AFF3: variants seen among roughly 807,000 people sequenced by gnomAD.
AFF3 encodes the protein AF4/FMR2 family member 3.
Under a neutral mutation model 129.7 loss-of-function variants are expected in AFF3, and 32 were observed. The observed-to-expected ratio is 0.25, with a 90% CI of 0.19 to 0.33. AFF3 has a LOEUF of 0.33. AFF3 is among the 10% of genes least tolerant of loss of function. AFF3 has a pLI of 1.00. For synonymous variants in AFF3, 644 were observed against 635.4 expected, an observed-to-expected ratio of 1.01 and a Z score of -0.20; for missense variants, 1,373 against 1,592.0, an observed-to-expected ratio of 0.86 and a Z score of 2.34.
chr2:99,834,583 T>C (rs1688729863), intron 8 of AFF3, among the ~76,000 whole-genome samples: 1 of 152,156 alleles, frequency 6.6e-6, no homozygotes, highest in Admixed American at 6.5e-5. Flanking sequence ...CCCCCTCTAC[T>C]CCACCAAAAG....
chr2:100,100,988 A>C lies in AFF3; in HGVS notation c.53+3414T>G, dbSNP rs2576634. Among the ~76,000 whole-genome samples, 19 of 152,326 alleles carry C rather than the reference A, an allele frequency of 1.2e-4. No homozygotes were observed. The East Asian group carries it at 3.3e-3, about 26-fold the overall frequency. On this transcript the variant is annotated intron_variant, in intron 4 of 24. Transcript: ENST00000672756. ...GTGTTGGGTGCTGAATGAACACCTT[A>C]ACCTTTTTCCAAGTTCTCCAGTCTT...
At chr2:99,669,475 C>T (rs549893878) in intron 12 of AFF3, among the ~76,000 whole-genome samples, 27 of 152,122 alleles carry the variant, frequency 1.8e-4, no homozygotes, top group African/African-American at 4.8e-4. Flanking sequence ...GAGTACATGC[C>T]GAATAATTCC....
chr2:99,946,289 A>G (rs1020770032), intron 7 of AFF3, among the ~76,000 whole-genome samples: 2 of 151,748 alleles, frequency 1.3e-5, no homozygotes, highest in Admixed American at 6.6e-5. Context: ...CTTGGCCAAC[A>G]TGGCGTAAAC....
chr2:99,777,946 G>GCAAAAAAAAAAAAAA (rs1684050197), intron 8 of AFF3, among the ~76,000 whole-genome samples: 1 of 27,180 alleles, frequency 3.7e-5, no homozygotes, highest in Non-Finnish European at 7.5e-5. Flanking sequence ...AAAAGCAAAA[G>GCAAAAAAAAAAAAAA]CAAAAAAAAA....
chr2:99,648,881 G>GCACACACACACACACACA lies in AFF3; in HGVS notation c.1184+744_1184+745insTGTGTGTGTGTGTGTGTG, dbSNP rs367768868. Among the ~76,000 whole-genome samples the GCACACACACACACACACA allele has an allele frequency of 3.4e-3, 218 of 64,842 alleles. 9 individuals are homozygous for GCACACACACACACACACA. The highest frequency in any genetic ancestry group is 5.4e-3 in the Admixed American group (30 of 5,528). The allele number at this position is 64,842 out of a possible 152,430, so 42.5% of individuals were successfully genotyped here. A position where few individuals can be genotyped will look rare whatever the true frequency, so the allele number is the denominator to read the frequency against. On this transcript the variant is annotated intron_variant, in intron 13 of 24. Coordinates refer to ENST00000672756, the MANE Select transcript of AFF3 (RefSeq NM_001386135.1). Reference sequence around the variant, plus strand: ...ACCTCCTGACAGTTCCTCAAAACACGCGCGCACACACACACACACACACAC... The same window carrying GCACACACACACACACACA: ...ACCTCCTGACAGTTCCTCAAAACACGCACACACACACACACACACGCGCACACACACACACACACACAC...
intron 11 of AFF3, among the ~76,000 whole-genome samples, chr2:99,726,006 C>G (rs1176901473): frequency 6.6e-6 from 1 of 152,084 alleles, no homozygotes; most frequent in Admixed American, 6.6e-5. Context: ...GCATTAAAAG[C>G]CTTTCCCATT....
At chr2:99,780,893 T>C (rs1558843963) in intron 8 of AFF3, among the ~76,000 whole-genome samples, 1 of 152,196 alleles carries the variant, frequency 6.6e-6, no homozygotes, top group Non-Finnish European at 1.5e-5. Context: ...TGAGGTCTCT[T>C]GCTTCCACCC....
At chr2:99,958,482 C>T (rs1021779251) in intron 7 of AFF3, among the ~76,000 whole-genome samples, 16 of 139,168 alleles carry the variant, frequency 1.1e-4, no homozygotes, top group Admixed American at 3.6e-4. Context: ...AAGACTCTGT[C>T]TCGAAAAAAA....
intron 7 of AFF3, among the ~76,000 whole-genome samples, chr2:99,915,117 T>A (rs911856783): frequency 1.3e-5 from 2 of 152,112 alleles, no homozygotes; most frequent in African/African-American, 4.8e-5. Flanking sequence ...CTTTGACTCT[T>A]CTTATTATAG....
At chr2:99,674,308 A>G (rs938574517) in intron 11 of AFF3, among the ~76,000 whole-genome samples, 1 of 152,152 alleles carries the variant, frequency 6.6e-6, no homozygotes, top group Non-Finnish European at 1.5e-5. Flanking sequence ...CCTCTTGGTG[A>G]TTTATTAGAG....
Position 100,104,847 on chromosome 2 carries a change from G to A in AFF3, c.-64-329C>T, listed in dbSNP as rs1004960103. On this transcript the variant is annotated intron_variant, in intron 3 of 24. Coordinates refer to ENST00000672756, the MANE Select transcript of AFF3 (RefSeq NM_001386135.1). ...CGCGGTGCTCTGCGCCCGCCCGCCC[G>A]CCTCTTTCTCCTCCGGGAGGCGCGT... 2.0e-4 allele frequency: 104 copies of A among 528,742 alleles called. No individual in the cohort carries two copies. In the African/African-American group the frequency reaches 2.3e-3, roughly 12 times the overall value. The allele number at this position is 528,742 out of a possible 1,614,324, so 32.8% of individuals were successfully genotyped here.
At chr2:99,984,736 G>A (rs1318676654) in intron 7 of AFF3, among the ~76,000 whole-genome samples, 2 of 150,328 alleles carry the variant, frequency 1.3e-5, no homozygotes, top group African/African-American at 2.5e-5. Flanking sequence ...CACAGGAACT[G>A]CTTGCTGCCT....
intron 1 of AFF3, among the ~76,000 whole-genome samples, chr2:100,139,717 C>T (rs934108056): frequency 2.6e-5 from 4 of 151,786 alleles, no homozygotes; most frequent in Non-Finnish European, 5.9e-5. Context: ...TAGTTTTTGT[C>T]AAAGCTATGT....
intron 2 of AFF3, among the ~76,000 whole-genome samples, chr2:100,122,948 T>TA (rs778021358): frequency 1.3e-5 from 2 of 152,350 alleles, no homozygotes; most frequent in Non-Finnish European, 2.9e-5. Context: ...AACACTGAGT[T>TA]AAAAAACGAA....
At chr2:99,644,036 A>AC (rs1684462990) in intron 13 of AFF3, among the ~76,000 whole-genome samples, 2 of 152,110 alleles carry the variant, frequency 1.3e-5, no homozygotes, top group African/African-American at 4.8e-5. Context: ...TCATCCTGGC[A>AC]CCCCCAGCCC....
intron 1 of AFF3, among the ~76,000 whole-genome samples, chr2:100,137,970 A>G (rs1020504587): frequency 1.3e-5 from 2 of 152,204 alleles, no homozygotes; most frequent in African/African-American, 2.4e-5. Flanking sequence ...ATGAGGATGC[A>G]GGAAGCATGG....
intron 7 of AFF3, among the ~76,000 whole-genome samples, chr2:99,920,188 G>A (rs1483514971): frequency 6.6e-6 from 1 of 151,982 alleles, no homozygotes; most frequent in African/African-American, 2.4e-5. Flanking sequence ...AAATGAAGGA[G>A]AGAACACTTC....
intron 14 of AFF3, among the ~76,000 whole-genome samples, chr2:99,595,689 AC>A: frequency 6.6e-6 from 1 of 152,020 alleles, no homozygotes; most frequent in East Asian, 1.9e-4. Flanking sequence ...TCTTGGCCTC[AC>A]CCCAGGCACT....
Position 99,649,616 on chromosome 2 carries a change from C to A in AFF3, c.1184+10G>T, listed in dbSNP as rs758361412. ...AGCAATTTATAGTTCATAAAAATGA[C>A]AAAATGTACCTGTCAGAGAGAGCGC... On this transcript the variant is annotated intron_variant, in intron 13 of 24. Coordinates refer to ENST00000672756, the MANE Select transcript of AFF3 (RefSeq NM_001386135.1). The A allele has an allele frequency of 6.2e-7, 1 of 1,613,534 alleles. No homozygotes were observed. Among genetic ancestry groups the A allele is most frequent in the African/African-American group, 1.3e-5 (1 of 75,010 alleles).
Sources: allele counts gnomAD v4.1 joint callset (sites outside exome capture counted in the v4.1 genomes callset), GRCh38; gene constraint gnomAD v4.1.1; transcripts MANE v1.5; gene names NCBI Gene and HGNC (gene_info 2026-07-23, HGNC 2026-07-21).